The following HACE1 variants were observed in gnomAD, a reference collection of about 807,000 sequenced individuals.
The protein encoded by HACE1 is E3 ubiquitin-protein ligase HACE1.
A neutral mutation model predicts 118.4 loss-of-function variants in HACE1; 73 were observed. That is an observed-to-expected ratio of 0.62 (90% CI 0.51 to 0.75). HACE1 has a LOEUF of 0.75. HACE1 is among the 30% of genes least tolerant of loss of function. The probability of loss-of-function intolerance (pLI) is 0.00; values close to 1 mark genes in which losing one functional copy is unlikely to be tolerated. For synonymous variants in HACE1, 368 were observed against 374.8 expected (o/e 0.98, Z 0.21); for missense variants, 749 against 1,102.2 (o/e 0.68, Z 4.54).
intron 7 of HACE1, among the ~76,000 whole-genome samples, chr6:104,798,443 A>C (rs945600991): frequency 2.0e-5 from 3 of 152,182 alleles, no homozygotes; most frequent in African/African-American, 7.2e-5. Context: ...AGTGCCAGAA[A>C]ACTCTGCAAC....
At chr6:104,833,297 C>T (rs949763946) in intron 5 of HACE1, 124 bp from the exon 6 acceptor site, 3 of 855,138 alleles carry the variant, frequency 3.5e-6, no homozygotes, top group Non-Finnish European at 6.0e-6. Flanking sequence ...GTTTTAAGTC[C>T]ATGTAATGGT....
chr6:104,762,271 T>C (rs1369358227), intron 19 of HACE1, among the ~76,000 whole-genome samples: 1 of 152,214 alleles, frequency 6.6e-6, no homozygotes, highest in Non-Finnish European at 1.5e-5. Context: ...GCAGCACTGT[T>C]CACAATAGCA....
rs1213115209 is a variant in HACE1 at position 104,833,128 on chromosome 6, G to C, written c.448C>G (p.Leu150Val). 7 of 1,613,392 alleles carry C rather than the reference G, an allele frequency of 4.3e-6. No individual in the cohort carries two copies. The East Asian group carries it at 1.3e-4, about 31-fold the overall frequency. ...VNGRTELLHD[L>V]VQHVSDVDVE... ...TCAACATCACTGACATGCTGCACAA[G>C]GTCATGGAGTAGTTCTGTCCGCCCA... The change falls in exon 6 of 24, where the codon CTT becomes GTT. Residue 150 changes from leucine to valine, a missense_variant. Around this residue, in one of 5 missense-constraint regions of HACE1, gnomAD observed 120 missense variants for 219.1 expected, o/e 0.55. Transcript: ENST00000262903.
chr6:104,730,105 G>A (rs1775045254), intron 23 of HACE1, among the ~76,000 whole-genome samples, 198 bp downstream of exon 23: 1 of 152,104 alleles, frequency 6.6e-6, no homozygotes, highest in Non-Finnish European at 1.5e-5. Context: ...ATTGTAGGGA[G>A]TTAGGGCTTC....
At chr6:104,826,786 A>G (rs1773380907) in intron 6 of HACE1, among the ~76,000 whole-genome samples, 1 of 152,156 alleles carries the variant, frequency 6.6e-6, no homozygotes, top group Admixed American at 6.5e-5. Context: ...TGGATCGACA[A>G]AACAGACTTT....
At chr6:104,793,919 A>G (rs1783338897) in intron 10 of HACE1, among the ~76,000 whole-genome samples, 1 of 152,238 alleles carries the variant, frequency 6.6e-6, no homozygotes, top group African/African-American at 2.4e-5. Flanking sequence ...AGGTAGCACC[A>G]TAAGTGGTGA....
intron 7 of HACE1, among the ~76,000 whole-genome samples, chr6:104,798,285 A>G (rs1425961460): frequency 6.6e-6 from 1 of 152,144 alleles, no homozygotes; most frequent in African/African-American, 2.4e-5. Context: ...TTTCACAAAG[A>G]AAAACACTAC....
At chr6:104,806,643 T>C (rs1228522989) in intron 7 of HACE1, among the ~76,000 whole-genome samples, 1 of 152,142 alleles carries the variant, frequency 6.6e-6, no homozygotes, top group East Asian at 1.9e-4. Context: ...TCAGTTTAAA[T>C]AACTAAAAAA....
intron 1 of HACE1, among the ~76,000 whole-genome samples, chr6:104,856,602 T>C (rs1776742744): frequency 6.6e-6 from 1 of 152,088 alleles, no homozygotes; most frequent in South Asian, 2.1e-4. Flanking sequence ...ATCCAGCTAA[T>C]TTTTTGTATT....
At chr6:104,833,274 C>T (rs1398718815) in intron 5 of HACE1, 101 bp from the exon 6 acceptor site, 3 of 1,052,492 alleles carry the variant, frequency 2.9e-6, no homozygotes, top group African/African-American at 3.1e-5. Context: ...TTTGCACATG[C>T]AAATCTAAAG....
Position 104,785,205 on chromosome 6 carries a change from C to T in HACE1, c.1189G>A (p.Gly397Ser), listed in dbSNP as rs1330507353. The change falls in exon 12 of 24, where the codon GGC becomes AGC. Residue 397 changes from glycine to serine, a missense_variant. Coordinates refer to ENST00000262903, the MANE Select transcript of HACE1 (RefSeq NM_020771.4). ...ATGGAAGCAGCATCTTGATCTTGGC[C>T]TTTTTGTTTCAGTAAAATAGAAGTG... is the stretch of plus-strand genomic sequence containing the variant. Reference protein sequence around the residue: ...EITSILLKQKGQDQDAASIPP... With the variant: ...EITSILLKQKSQDQDAASIPP... The T allele has an allele frequency of 6.2e-7, 1 of 1,613,800 alleles. No homozygotes were observed.
intron 6 of HACE1, among the ~76,000 whole-genome samples, chr6:104,815,096 T>C (rs1771982535): frequency 7.3e-6 from 1 of 137,874 alleles, no homozygotes; most frequent in Non-Finnish European, 1.6e-5. Context: ...TGGAACAGTT[T>C]GGAGGGCTCT....
chr6:104,818,794 T>C (rs1359871036), intron 6 of HACE1, among the ~76,000 whole-genome samples: 1 of 152,018 alleles, frequency 6.6e-6, no homozygotes, highest in Non-Finnish European at 1.5e-5. Flanking sequence ...CATGATTATC[T>C]CAACAGATGC....
intron 11 of HACE1, among the ~76,000 whole-genome samples, chr6:104,787,859 C>T (rs1288615120): frequency 6.6e-6 from 1 of 152,062 alleles, no homozygotes; most frequent in East Asian, 1.9e-4. Flanking sequence ...TAAAGGAACA[C>T]AGCAAATAAT....
intron 5 of HACE1, among the ~76,000 whole-genome samples, chr6:104,837,296 C>A (rs1405609397): frequency 1.3e-5 from 2 of 152,166 alleles, no homozygotes; most frequent in Non-Finnish European, 2.9e-5. Flanking sequence ...CAGAGACACA[C>A]AGATCAGTGG....
At chr6:104,751,215 T>C (rs942169490) in intron 19 of HACE1, among the ~76,000 whole-genome samples, 2 of 152,218 alleles carry the variant, frequency 1.3e-5, no homozygotes, top group African/African-American at 4.8e-5. Flanking sequence ...ATGTAATCTC[T>C]CTGCAGACAG....
intron 9 of HACE1, among the ~76,000 whole-genome samples, chr6:104,795,962 G>A (rs9499974): frequency 0.034 from 5,144 of 152,036 alleles, 273 homozygotes; most frequent in African/African-American, 0.12. Context: ...CCTCTAAAAC[G>A]AAAGAGAAAT....
chr6:104,831,994 G>GA (rs1774021949), intron 6 of HACE1, among the ~76,000 whole-genome samples: 27 of 77,608 alleles, frequency 3.5e-4, no homozygotes, highest in East Asian at 1.1e-3. Flanking sequence ...AAGGAAGGAA[G>GA]GAAGGAAGGA....
chr6:104,785,381 A>G, intron 11 of HACE1, 62 bp from the exon 12 acceptor site: 1 of 873,988 alleles, frequency 1.1e-6, no homozygotes, highest in Non-Finnish European at 1.8e-6. Flanking sequence ...AAAAAAAAAA[A>G]ACAAAACACA....
Sources: gnomAD v4.1 joint callset for allele counts (sites outside exome capture counted in the v4.1 genomes callset) on GRCh38, gnomAD v4.1.1 for gene constraint, gnomAD v4.1.1 regional missense constraint, MANE v1.5 for transcripts, NCBI Gene and HGNC (gene_info 2026-07-23, HGNC 2026-07-21) for gene names.